Variants in C3orf20 observed in about 807,000 individuals in gnomAD.
The protein encoded by C3orf20 is uncharacterized protein C3orf20.
Under a neutral mutation model 88.3 loss-of-function variants are expected in C3orf20, and 76 were observed. The ratio of observed to expected loss-of-function variants is 0.86; its 90% CI spans 0.72 to 1.04. The LOEUF (loss-of-function observed/expected upper bound fraction) is 1.04, where lower values mean the gene tolerates loss of function less well. Ranked by LOEUF, C3orf20 falls within the 50% of genes least tolerant of loss-of-function variation. The pLI, the probability that C3orf20 is intolerant of heterozygous loss-of-function variation, is 0.00. For synonymous variants in C3orf20, 436 were observed against 437.4 expected (o/e 1.00, Z 0.04); for missense variants, 1,056 against 1,123.3 (o/e 0.94, Z 0.86).
At chr3:14,694,376 G>T (rs1054231196) in intron 5 of C3orf20, among the ~76,000 whole-genome samples, 19 of 152,076 alleles carry the variant, frequency 1.2e-4, no homozygotes, top group Non-Finnish European at 2.1e-4. Context: ...CTTGTTATTG[G>T]TCTGTTCAGG....
intron 12 of C3orf20, among the ~76,000 whole-genome samples, chr3:14,730,496 G>A (rs2034506220): frequency 6.6e-6 from 1 of 152,116 alleles, no homozygotes; most frequent in Non-Finnish European, 1.5e-5. Context: ...GCAGTGAGCC[G>A]AGATCCTGCC....
At chr3:14,736,901 C>G (rs902729870) in intron 12 of C3orf20, among the ~76,000 whole-genome samples, 3 of 152,160 alleles carry the variant, frequency 2.0e-5, no homozygotes, top group Non-Finnish European at 4.4e-5. Context: ...TTTCTGTGTT[C>G]CTAAGGTTGG....
At chr3:14,716,029 T>C (rs1373275679) in intron 9 of C3orf20, among the ~76,000 whole-genome samples, 1 of 152,144 alleles carries the variant, frequency 6.6e-6, no homozygotes, top group African/African-American at 2.4e-5. Flanking sequence ...TGTGGCAGAG[T>C]TCCTCATCAT....
rs969724233 is a variant in C3orf20, at chr3:14,768,493, C to T, written c.2496-3574C>T. Among the ~76,000 whole-genome samples the T allele has an allele frequency of 2.6e-5, 4 of 151,996 alleles. No homozygotes were observed. The highest frequency in any genetic ancestry group is 4.8e-5 in the African/African-American group (2 of 41,294). On this transcript the variant is annotated intron_variant, in intron 15 of 16. Coordinates refer to ENST00000253697, the MANE Select transcript of C3orf20 (RefSeq NM_032137.5). This position sits in a 1 kb window ranked among gnomAD's most constrained non-coding sequence, Gnocchi z 4.1. ...ACTTGATCCTACAGGCAATGGGGAG[C>T]TAATGAAGGTTCTTGAGCTGAGAGA...
At chr3:14,719,327 T>C (rs1158056728) in intron 9 of C3orf20, among the ~76,000 whole-genome samples, 1 of 152,102 alleles carries the variant, frequency 6.6e-6, no homozygotes, top group East Asian at 1.9e-4. Flanking sequence ...GGGGAGTTAC[T>C]AGCCAGACCC....
chr3:14,727,057 C>T, intron 11 of C3orf20, 33 bp downstream of exon 11: 3 of 1,613,010 alleles, frequency 1.9e-6, no homozygotes, highest in Non-Finnish European at 2.5e-6. Context: ...GAAGGCCTAT[C>T]TGTTGGCTTC....
At chr3:14,724,151 A>T (rs1026981948) in intron 10 of C3orf20, among the ~76,000 whole-genome samples, 2 of 152,316 alleles carry the variant, frequency 1.3e-5, no homozygotes, top group Middle Eastern at 3.4e-3. Context: ...TTAAGTATGC[A>T]CTGGCTATGA....
intron 15 of C3orf20, 107 bp downstream of exon 15, chr3:14,761,722 A>C: frequency 1.1e-5 from 6 of 526,632 alleles, no homozygotes; most frequent in Non-Finnish European, 1.7e-5. Flanking sequence ...GCGGGGCTGA[A>C]GGGATGGAGT....
At chr3:14,707,851 C>T (rs1048282804) in intron 7 of C3orf20, among the ~76,000 whole-genome samples, 23 of 109,474 alleles carry the variant, frequency 2.1e-4, no homozygotes, top group Admixed American at 7.5e-4. Context: ...CAGAGTTTCG[C>T]TCTTGTTGCC....
chr3:14,710,105 G>A (rs1382769853), intron 7 of C3orf20, among the ~76,000 whole-genome samples: 1 of 150,838 alleles, frequency 6.6e-6, no homozygotes, highest in Non-Finnish European at 1.5e-5. Flanking sequence ...TAGTTAATAT[G>A]TTTCTAGGAA....
chr3:14,694,738 C>T (rs1447613771), intron 5 of C3orf20, among the ~76,000 whole-genome samples: 2 of 151,594 alleles, frequency 1.3e-5, no homozygotes, highest in Non-Finnish European at 2.9e-5. Flanking sequence ...GTTTGGTTTG[C>T]TCTTGCTTTT....
chr3:14,709,898 C>G (rs2033672292), intron 7 of C3orf20, among the ~76,000 whole-genome samples: 1 of 152,128 alleles, frequency 6.6e-6, no homozygotes, highest in African/African-American at 2.4e-5. Context: ...AGGAAGTGTT[C>G]AGGTCTGCTC....
At chr3:14,714,739 G>A (rs145766165) in intron 8 of C3orf20, among the ~76,000 whole-genome samples, 217 of 152,146 alleles carry the variant, frequency 1.4e-3, no homozygotes, top group African/African-American at 5.0e-3. Context: ...GGGTTAGCTG[G>A]GACTACAGAC....
chr3:14,738,473 C>T (rs2034792643), intron 12 of C3orf20, among the ~76,000 whole-genome samples: 1 of 151,712 alleles, frequency 6.6e-6, no homozygotes. Flanking sequence ...GGACTACAGG[C>T]ACCCGCCACC....
chr3:14,682,565 C>T lies in C3orf20; in HGVS notation c.-136-13C>T, dbSNP rs1408045090. 5.5e-6 allele frequency: 6 copies of T among 1,081,632 alleles called. No individual in the cohort carries two copies. The African/African-American group carries it at 6.3e-5, about 11-fold the overall frequency. The allele number at this position is 1,081,632 out of a possible 1,614,324, so 67.0% of individuals were successfully genotyped here. On this transcript the variant is annotated splice_polypyrimidine_tract_variant and intron_variant, in intron 2 of 16. Transcript: ENST00000253697. Reference sequence around the variant, plus strand: ...GGAGAGTGACTAACTCTTTTCTTGTCCTTTCCGGATAGGAACCACTGGCTC... The same window carrying T: ...GGAGAGTGACTAACTCTTTTCTTGTTCTTTCCGGATAGGAACCACTGGCTC...
chr3:14,700,133 G>C (rs866877640), intron 5 of C3orf20, among the ~76,000 whole-genome samples: 21 of 152,138 alleles, frequency 1.4e-4, no homozygotes, highest in African/African-American at 3.1e-4. Context: ...GATGGGGAAG[G>C]GTTGTGTCAG....
chr3:14,692,741 T>A (rs2032795408), intron 5 of C3orf20, among the ~76,000 whole-genome samples: 1 of 152,196 alleles, frequency 6.6e-6, no homozygotes, highest in South Asian at 2.1e-4. Flanking sequence ...CTTGATGTGA[T>A]CTGATTTGTC....
rs1401388454 is a variant in C3orf20, at chr3:14,703,001, G to A, written c.746-129G>A. ...AGGGCCCATGCAAGTCTAAAATCCA[G>A]CGGGACAAATTTTAAAGCTCCAAAA... is the stretch of plus-strand genomic sequence containing the variant. On this transcript the variant is annotated intron_variant, in intron 5 of 16. Coordinates refer to ENST00000253697, the MANE Select transcript of C3orf20 (RefSeq NM_032137.5). 8 of 1,158,852 alleles carry A rather than the reference G, an allele frequency of 6.9e-6. No individual in the cohort carries two copies. In the Admixed American group the frequency reaches 1.7e-4, roughly 24 times the overall value. The allele number at this position is 1,158,852 out of a possible 1,614,324, so 71.8% of individuals were successfully genotyped here. A position where few individuals can be genotyped will look rare whatever the true frequency, so the allele number is the denominator to read the frequency against.
At chr3:14,700,548 A>G (rs2033211629) in intron 5 of C3orf20, among the ~76,000 whole-genome samples, 1 of 152,184 alleles carries the variant, frequency 6.6e-6, no homozygotes, top group African/African-American at 2.4e-5. Context: ...GGATTGCTAC[A>G]TGTCTATTGG....
Sources: gnomAD v4.1 joint callset for allele counts (sites outside exome capture counted in the v4.1 genomes callset) on GRCh38, gnomAD v4.1.1 for gene constraint, Gnocchi (gnomAD v3.1) non-coding constraint, MANE v1.5 for transcripts, NCBI Gene and HGNC (gene_info 2026-07-23, HGNC 2026-07-21) for gene names.